LAMA4: variants seen among roughly 807,000 people sequenced by gnomAD.
The protein encoded by LAMA4 is laminin subunit alpha 4, also known as laminin subunit alpha-4.
LAMA4 carries 127 observed loss-of-function variants against 207.1 expected under a neutral mutation model. The ratio of observed to expected loss-of-function variants is 0.61; its 90% CI spans 0.53 to 0.71. The LOEUF (loss-of-function observed/expected upper bound fraction) is 0.71, where lower values mean the gene tolerates loss of function less well. Ranked by LOEUF, LAMA4 falls within the 30% of genes least tolerant of loss-of-function variation. LAMA4 has a pLI of 0.00. For missense variants in LAMA4, 2,093 were observed against 2,246.5 expected (o/e 0.93, Z 1.38); for synonymous variants, 761 against 816.0 (o/e 0.93, Z 1.15).
At chr6:112,143,266 G>A (rs890437181) in intron 19 of LAMA4, among the ~76,000 whole-genome samples, 6 of 149,788 alleles carry the variant, frequency 4.0e-5, no homozygotes, top group Non-Finnish European at 8.9e-5. Context: ...TATGTTATCA[G>A]TTGAGTAAAA....
At position 112,132,747 on chromosome 6, in the gene LAMA4, A is replaced by T. The variant is rs1779110979; in HGVS notation, c.3834+6T>A. ...GAAGTTTCCTCAGAGAAAAACAAAC[A>T]CTTACCCCTGAAGCATAATAGAATA... On this transcript the variant is annotated splice_donor_region_variant and intron_variant, in intron 28 of 38. Transcript: ENST00000230538. The T allele has an allele frequency of 1.9e-6, 3 of 1,612,312 alleles. No homozygotes were observed. The highest frequency in any genetic ancestry group is 1.7e-4 in the Middle Eastern group (1 of 6,030).
intron 2 of LAMA4, among the ~76,000 whole-genome samples, chr6:112,246,567 C>T (rs1786949620): frequency 6.8e-6 from 1 of 147,546 alleles, no homozygotes; most frequent in East Asian, 2.0e-4. Flanking sequence ...GTCGCCCAGG[C>T]TGGAGTGCAA....
chr6:112,175,974 C>T lies in LAMA4; in HGVS notation c.1190-494G>A, dbSNP rs1782001335. ...ATTGTATTTTAGACAAAGATTTGATCAAAGCTTTAAGCCCAAATGAGAGCA... is the reference window on the plus strand; with the variant it reads ...ATTGTATTTTAGACAAAGATTTGATTAAAGCTTTAAGCCCAAATGAGAGCA... On this transcript the variant is annotated intron_variant, in intron 10 of 38. Transcript: ENST00000230538. Among the ~76,000 whole-genome samples the T allele has an allele frequency of 1.3e-5, 2 of 152,134 alleles. 1 individual carries two copies. The highest frequency in any genetic ancestry group is 4.2e-4 in the South Asian group (2 of 4,818).
rs587759608 is a variant in LAMA4, at chr6:112,115,075, C to G, written c.5113-319G>C. Among the ~76,000 whole-genome samples the G allele has an allele frequency of 3.3e-5, 5 of 152,286 alleles. No homozygotes were observed. In the East Asian group the frequency reaches 9.6e-4, roughly 29 times the overall value. Reference sequence around the variant, plus strand: ...TTGAAGTATTGGTGAAGAACATGGACTTTGAAGCTAGACAGCCAGTCTCCT... The same window carrying G: ...TTGAAGTATTGGTGAAGAACATGGAGTTTGAAGCTAGACAGCCAGTCTCCT... On this transcript the variant is annotated intron_variant, in intron 36 of 38. Transcript: ENST00000230538.
intron 28 of LAMA4, among the ~76,000 whole-genome samples, chr6:112,131,781 A>G (rs1374185020): frequency 1.3e-5 from 2 of 152,124 alleles, no homozygotes; most frequent in African/African-American, 2.4e-5. Flanking sequence ...GATTCCAATT[A>G]AATTGGATAT....
intron 16 of LAMA4, among the ~76,000 whole-genome samples, chr6:112,152,228 T>C (rs1267783561): frequency 1.3e-5 from 2 of 152,138 alleles, no homozygotes; most frequent in Non-Finnish European, 2.9e-5. Flanking sequence ...AAAGTGGTGT[T>C]ATTTCTTCTT....
At chr6:112,149,095 G>A (rs1554335197) in intron 17 of LAMA4, among the ~76,000 whole-genome samples, 1 of 132,200 alleles carries the variant, frequency 7.6e-6, no homozygotes, top group African/African-American at 2.8e-5. Flanking sequence ...CATCACCTAA[G>A]TGAATTATAA....
At position 112,200,581 on chromosome 6, in the gene LAMA4, AC is replaced by A. The variant is rs1255711279; in HGVS notation, c.503+1026del. Among the ~76,000 whole-genome samples the A allele has an allele frequency of 4.3e-4, 66 of 152,336 alleles. No individual in the cohort carries two copies. In the East Asian group the frequency reaches 9.6e-3, roughly 22 times the overall value. On this transcript the variant is annotated intron_variant, in intron 5 of 38. Transcript: ENST00000230538. ...CATTCTACTATAAAGACACATGCAC[AC>A]ATATGTTTATTGCAGCACTATTCAC...
chr6:112,233,734 A>C lies in LAMA4; in HGVS notation c.196-17265T>G, dbSNP rs545951480. On this transcript the variant is annotated intron_variant, in intron 2 of 38. Transcript: ENST00000230538. ...TTAGTTTACTCCTCATAAGGTAGAG[A>C]GGCTAAACTTATATTCTGTCTGTTG... 4.6e-5 allele frequency among the ~76,000 whole-genome samples: 7 copies of C among 152,322 alleles called. No individual in the cohort carries two copies. The South Asian group carries it at 1.4e-3, about 32-fold the overall frequency.
chr6:112,190,877 TTCTTTC>T (rs1443923116), intron 6 of LAMA4, among the ~76,000 whole-genome samples: 26 of 42,216 alleles, frequency 6.2e-4, no homozygotes, highest in African/African-American at 2.1e-3. Flanking sequence ...TTCTTTTTCT[TTCTTTC>T]TTTCTTTCTT....
Position 112,253,986 on chromosome 6 carries a change from C to T in LAMA4, c.165G>A (p.Val55=), listed in dbSNP as rs1554190468. 3.8e-6 allele frequency: 6 copies of T among 1,586,766 alleles called. No individual in the cohort carries two copies. The highest frequency in any genetic ancestry group is 2.3e-5 in the South Asian group (2 of 88,344). ...CCGCAGGCGGCAGGCGTCCCAGAGC[C>T]ACGCGGGGTTCGCTCGTCTCAGGCG... is the stretch of plus-strand genomic sequence containing the variant. ...QDPPETSEPR[V]ALGRLPPAAE... The change falls in exon 2 of 39, where the codon GTG becomes GTA. Residue 55 remains valine (V), a synonymous_variant. Transcript: ENST00000230538.
rs1318891164 is a variant in LAMA4, at chr6:112,189,581, T to G, written c.719-376A>C. 3.3e-5 allele frequency among the ~76,000 whole-genome samples: 5 copies of G among 152,192 alleles called. No individual in the cohort carries two copies. The East Asian group carries it at 9.6e-4, about 29-fold the overall frequency. On this transcript the variant is annotated intron_variant, in intron 6 of 38. Coordinates refer to ENST00000230538, the MANE Select transcript of LAMA4 (RefSeq NM_001105206.3). ...TCAACTGGAAATTGAAAGCCATCCC[T>G]TCCTTGCAGACTGATACTCCAGTTT... is the stretch of plus-strand genomic sequence containing the variant.
intron 9 of LAMA4, among the ~76,000 whole-genome samples, chr6:112,181,405 A>G (rs1441212604): frequency 6.6e-6 from 1 of 152,138 alleles, no homozygotes; most frequent in African/African-American, 2.4e-5. Flanking sequence ...AAGGTTCTTC[A>G]CAATTGGGCC....
chr6:112,223,546 T>C (rs557768389), intron 2 of LAMA4, among the ~76,000 whole-genome samples: 2 of 152,196 alleles, frequency 1.3e-5, no homozygotes, highest in South Asian at 4.1e-4. Context: ...CTAAATTACT[T>C]TTCTTTTTAT....
intron 22 of LAMA4, 83 bp downstream of exon 22, chr6:112,140,677 C>T (rs929211562): frequency 1.5e-6 from 2 of 1,320,614 alleles, no homozygotes; most frequent in African/African-American, 2.9e-5. Context: ...TATCAGCAAC[C>T]CCCAAGTCAT....
At chr6:112,173,789 C>T (rs762841580) in intron 11 of LAMA4, among the ~76,000 whole-genome samples, 4 of 152,154 alleles carry the variant, frequency 2.6e-5, no homozygotes, top group Non-Finnish European at 4.4e-5. Context: ...TGTAGGAAAA[C>T]GACCTACTGC....
At chr6:112,195,517 AT>A (rs782663349) in intron 5 of LAMA4, among the ~76,000 whole-genome samples, 6 of 152,116 alleles carry the variant, frequency 3.9e-5, no homozygotes, top group Non-Finnish European at 8.8e-5. Flanking sequence ...CTTCTTCCTT[AT>A]TTTTCTTTTC....
intron 10 of LAMA4, among the ~76,000 whole-genome samples, chr6:112,176,238 T>C (rs1247389635): frequency 1.3e-5 from 2 of 152,356 alleles, no homozygotes; most frequent in East Asian, 3.9e-4. Flanking sequence ...CCTGTCTAAA[T>C]ATTAGCAGAC....
intron 2 of LAMA4, among the ~76,000 whole-genome samples, chr6:112,238,899 T>G (rs1165207165): frequency 6.6e-6 from 1 of 152,236 alleles, no homozygotes; most frequent in African/African-American, 2.4e-5. Context: ...GAGTTACTAC[T>G]TAATACATTT....
Sources: gnomAD v4.1 joint callset for allele counts (sites outside exome capture counted in the v4.1 genomes callset) on GRCh38, gnomAD v4.1.1 for gene constraint, MANE v1.5 for transcripts, NCBI Gene and HGNC (gene_info 2026-07-23, HGNC 2026-07-21) for gene names.